The following SH2D4B variants were observed in gnomAD, a reference collection of about 807,000 sequenced individuals.
SH2D4B encodes SH2 domain containing 4B.
In SH2D4B, 45 loss-of-function variants were observed where a neutral mutation model predicts 61.5. That is an observed-to-expected ratio of 0.73 (90% CI 0.58 to 0.94). SH2D4B has a LOEUF of 0.94. Among genes scored for constraint, SH2D4B ranks in the 40% least tolerant of loss-of-function variants. The probability of loss-of-function intolerance (pLI) is 0.00; values close to 1 mark genes in which losing one functional copy is unlikely to be tolerated. For missense variants in SH2D4B, 572 were observed against 574.2 expected, an observed-to-expected ratio of 1.00 and a Z score of 0.04; for synonymous variants, 224 against 220.4, an observed-to-expected ratio of 1.02 and a Z score of -0.14.
chr10:80,625,034 T>A (rs1426956629), intron 6 of SH2D4B, among the ~76,000 whole-genome samples: 1 of 152,214 alleles, frequency 6.6e-6, no homozygotes, highest in Non-Finnish European at 1.5e-5. Flanking sequence ...ATGCTGAATA[T>A]TTTGTCCATT....
At position 80,613,999 on chromosome 10, in the gene SH2D4B, C is replaced by T. The variant is rs1023959151; in HGVS notation, c.988+4448C>T. Among the ~76,000 whole-genome samples, 11 of 152,136 alleles carry T rather than the reference C, an allele frequency of 7.2e-5. No homozygotes were observed. In the South Asian group the frequency reaches 8.3e-4, roughly 11 times the overall value. ...ACAGAAGTCATTTTAATGATTACTT[C>T]GGGAATGTTTATCTTGGAAAGGAGA... On this transcript the variant is annotated intron_variant, in intron 6 of 7. Transcript: ENST00000646907.
At chr10:80,559,062 T>C (rs1841873036) in intron 1 of SH2D4B, among the ~76,000 whole-genome samples, 1 of 152,160 alleles carries the variant, frequency 6.6e-6, no homozygotes, top group Non-Finnish European at 1.5e-5. Flanking sequence ...TATATTTTTG[T>C]TTTATTTAAT....
At position 80,538,234 on chromosome 10, in the gene SH2D4B, T is replaced by C; in HGVS notation, c.-98T>C. The C allele has an allele frequency of 9.6e-7, 1 of 1,041,402 alleles. No homozygotes were observed. The highest frequency in any genetic ancestry group is 1.3e-6 in the Non-Finnish European group (1 of 796,590). 64.5% of individuals were successfully genotyped at this position (1,041,402 alleles called of 1,614,324 possible). A position where few individuals can be genotyped will look rare whatever the true frequency, so the allele number is the denominator to read the frequency against. On this transcript the variant is annotated 5_prime_UTR_variant, in exon 1 of 8. Transcript: ENST00000646907. This position sits in a 1 kb window ranked among gnomAD's most constrained non-coding sequence, Gnocchi z 4.8. ...AAGGGGCACCGAGAGTGGCCCCGGA[T>C]TGAGCAGTCCGTAGTGCAGAGCAGC...
chr10:80,585,966 C>A (rs577157223), intron 3 of SH2D4B, among the ~76,000 whole-genome samples: 1 of 151,888 alleles, frequency 6.6e-6, no homozygotes, highest in Non-Finnish European at 1.5e-5. Context: ...GCCCCACACT[C>A]GGAGCGTCGA....
chr10:80,577,853 C>T (rs573773654), intron 3 of SH2D4B, among the ~76,000 whole-genome samples: 4 of 152,280 alleles, frequency 2.6e-5, no homozygotes, highest in South Asian at 2.1e-4. Flanking sequence ...TGAGCCACCA[C>T]GCCTGGCCTT....
intron 4 of SH2D4B, among the ~76,000 whole-genome samples, chr10:80,591,216 G>A (rs1383739981): frequency 6.6e-6 from 1 of 151,890 alleles, no homozygotes; most frequent in Non-Finnish European, 1.5e-5. Context: ...TTATGTACAC[G>A]TTTTTGTGTG....
chr10:80,584,399 G>A (rs943504805), intron 3 of SH2D4B, among the ~76,000 whole-genome samples: 6 of 152,206 alleles, frequency 3.9e-5, no homozygotes, highest in Non-Finnish European at 8.8e-5. Context: ...GTTAAACACA[G>A]AGAATGATTT....
chr10:80,564,064 G>T (rs1360117103), intron 1 of SH2D4B, among the ~76,000 whole-genome samples: 1 of 152,090 alleles, frequency 6.6e-6, no homozygotes, highest in Non-Finnish European at 1.5e-5. Context: ...ATGGTTACAG[G>T]TATTTAAATG....
intron 1 of SH2D4B, among the ~76,000 whole-genome samples, chr10:80,562,894 C>CTTTTT (rs34539206): frequency 8.6e-4 from 64 of 74,684 alleles, no homozygotes; most frequent in Non-Finnish European, 1.0e-3. Flanking sequence ...AACATTTTTT[C>CTTTTT]TTTTTTTTTT....
intron 3 of SH2D4B, among the ~76,000 whole-genome samples, chr10:80,584,397 CAG>C (rs1219366949): frequency 6.6e-6 from 1 of 152,124 alleles, no homozygotes; most frequent in Non-Finnish European, 1.5e-5. Flanking sequence ...TGGTTAAACA[CAG>C]AGAATGATTT....
intron 5 of SH2D4B, among the ~76,000 whole-genome samples, chr10:80,608,099 A>C (rs1009782184): frequency 6.6e-6 from 1 of 152,174 alleles, no homozygotes; most frequent in Admixed American, 6.5e-5. Flanking sequence ...GTTTCACCAC[A>C]ACTCCTGTGC....
intron 1 of SH2D4B, among the ~76,000 whole-genome samples, chr10:80,544,228 C>G (rs1168030117): frequency 2.0e-5 from 3 of 152,168 alleles, no homozygotes; most frequent in African/African-American, 7.2e-5. Context: ...GAATGAACAA[C>G]TCCAGAGGCG....
chr10:80,586,020 C>T (rs1009003895), intron 3 of SH2D4B, among the ~76,000 whole-genome samples: 1 of 152,202 alleles, frequency 6.6e-6, no homozygotes, highest in African/African-American at 2.4e-5. Context: ...AGCACCCAGG[C>T]CAGCAGCTGC....
At chr10:80,612,382 G>A (rs1352113911) in intron 6 of SH2D4B, among the ~76,000 whole-genome samples, 1 of 152,002 alleles carries the variant, frequency 6.6e-6, no homozygotes, top group Non-Finnish European at 1.5e-5. Flanking sequence ...CAGGGGACTC[G>A]GCTCTCCCTG....
rs150890904 is a variant in SH2D4B at position 80,597,711 on chromosome 10, A to G, written c.644-5868A>G. ...AAAATAAAATAAAATACACGGGGAGAGAGTGAATCCCTTTCAGAAGGGAGA... is the reference window on the plus strand; with the variant it reads ...AAAATAAAATAAAATACACGGGGAGGGAGTGAATCCCTTTCAGAAGGGAGA... On this transcript the variant is annotated intron_variant, in intron 4 of 7. Coordinates refer to ENST00000646907, the MANE Select transcript of SH2D4B (RefSeq NM_001388272.1). Among the ~76,000 whole-genome samples, 547 of 152,152 alleles carry G rather than the reference A, an allele frequency of 3.6e-3. 2 individuals are homozygous for G. Among genetic ancestry groups the G allele is most frequent in the African/African-American group, 0.012 (511 of 41,432 alleles).
chr10:80,612,496 G>A (rs995641556), intron 6 of SH2D4B, among the ~76,000 whole-genome samples: 4 of 152,178 alleles, frequency 2.6e-5, no homozygotes, highest in Non-Finnish European at 4.4e-5. Context: ...ATGGTGACAG[G>A]ACAGACATCA....
intron 7 of SH2D4B, among the ~76,000 whole-genome samples, chr10:80,637,878 A>G (rs1840213119): frequency 6.6e-6 from 1 of 152,228 alleles, no homozygotes; most frequent in African/African-American, 2.4e-5. Flanking sequence ...TTTAAAGGGA[A>G]TGCTTCCAGT....
At position 80,539,621 on chromosome 10, in the gene SH2D4B, A is replaced by G. The variant is rs912562085; in HGVS notation, c.184+1106A>G. Among the ~76,000 whole-genome samples the G allele has an allele frequency of 2.0e-5, 3 of 152,168 alleles. No homozygotes were observed. Among genetic ancestry groups the G allele is most frequent in the African/African-American group, 7.2e-5 (3 of 41,440 alleles). On this transcript the variant is annotated intron_variant, in intron 1 of 7. Coordinates refer to ENST00000646907, the MANE Select transcript of SH2D4B (RefSeq NM_001388272.1). The surrounding 1 kb of genome is among the most constrained non-coding windows in gnomAD (Gnocchi z 4.9). Reference sequence around the variant, plus strand: ...GGAGTGTTCAGGGATGCTCTTGCATAGGGCAGTACTTGCTCCTCTGTGGCT... The same window carrying G: ...GGAGTGTTCAGGGATGCTCTTGCATGGGGCAGTACTTGCTCCTCTGTGGCT...
At chr10:80,543,696 G>C (rs982088789) in intron 1 of SH2D4B, among the ~76,000 whole-genome samples, 2 of 152,228 alleles carry the variant, frequency 1.3e-5, no homozygotes, top group Non-Finnish European at 2.9e-5. Flanking sequence ...TGGGGTCATG[G>C]AGAACCTTTA....
Sources: allele counts gnomAD v4.1 joint callset (sites outside exome capture counted in the v4.1 genomes callset), GRCh38; gene constraint gnomAD v4.1.1; non-coding constraint Gnocchi (gnomAD v3.1); transcripts MANE v1.5; gene names NCBI Gene and HGNC (gene_info 2026-07-23, HGNC 2026-07-21).